Variants in SSPN observed in about 807,000 individuals in gnomAD.
SSPN encodes sarcospan.
Under a neutral mutation model 19.1 loss-of-function variants are expected in SSPN, and 15 were observed. The ratio of observed to expected loss-of-function variants is 0.78; its 90% CI spans 0.52 to 1.21. The LOEUF (loss-of-function observed/expected upper bound fraction) is 1.21. SSPN is among the 50% of genes most tolerant of loss of function. The pLI, the probability that SSPN is intolerant of heterozygous loss-of-function variation, is 0.00. For missense variants in SSPN, 291 were observed against 314.0 expected (o/e 0.93, Z 0.55); for synonymous variants, 147 against 140.3 (o/e 1.05, Z -0.34).
chr12:26,228,549 T>G (rs1945200145), intron 2 of SSPN, among the ~76,000 whole-genome samples: 1 of 152,000 alleles, frequency 6.6e-6, no homozygotes, highest in Non-Finnish European at 1.5e-5. Context: ...AATGATCACT[T>G]TAACCTGGGC....
At chr12:26,217,497 G>T (rs1261892161) in intron 1 of SSPN, among the ~76,000 whole-genome samples, 1 of 68,224 alleles carries the variant, frequency 1.5e-5, no homozygotes, top group African/African-American at 6.4e-5. Context: ...GGGTTTTCTA[G>T]ATATACAATC....
chr12:26,158,215 T>G (rs1944567233), intron 1 of SSPN, among the ~76,000 whole-genome samples: 1 of 152,088 alleles, frequency 6.6e-6, no homozygotes, highest in African/African-American at 2.4e-5. Flanking sequence ...TTTTTTCTGT[T>G]TTTCCTTTTT....
At position 26,122,488 on chromosome 12, in the gene SSPN, C is replaced by G. The variant is rs927252548; in HGVS notation, c.-31+336C>G. The G allele has an allele frequency of 7.5e-7, 1 of 1,324,838 alleles. No individual in the cohort carries two copies. Among genetic ancestry groups the G allele is most frequent in the Admixed American group, 2.9e-5 (1 of 35,018 alleles). The allele number at this position is 1,324,838 out of a possible 1,614,324, so 82.1% of individuals were successfully genotyped here. Reference sequence around the variant, plus strand: ...AAGGGCAGGCAGAAGGGGGCCGCGGCGGCCGCGGGCTGCGGGAAGGGCGCG... The same window carrying G: ...AAGGGCAGGCAGAAGGGGGCCGCGGGGGCCGCGGGCTGCGGGAAGGGCGCG... On this transcript the variant is annotated intron_variant, in intron 1 of 2. Coordinates refer to the SSPN transcript ENST00000538142.
intron 1 of SSPN, among the ~76,000 whole-genome samples, chr12:26,210,035 T>C (rs1944968649): frequency 6.6e-6 from 1 of 152,054 alleles, no homozygotes; most frequent in Non-Finnish European, 1.5e-5. Flanking sequence ...CTTTGTTTCC[T>C]TAACTTACTT....
intron 2 of SSPN, 121 bp downstream of exon 2, chr12:26,224,500 AGGCC>A: frequency 2.4e-6 from 2 of 821,088 alleles, no homozygotes; most frequent in Admixed American, 2.0e-5. Context: ...ATTTTTAGGC[AGGCC>A]AAAAAATGTT....
At chr12:26,219,450 T>C (rs987559678) in intron 1 of SSPN, among the ~76,000 whole-genome samples, 2 of 149,154 alleles carry the variant, frequency 1.3e-5, no homozygotes, top group African/African-American at 5.0e-5. Flanking sequence ...ACAAAGACAA[T>C]GTGTGACAAG....
intron 1 of SSPN, among the ~76,000 whole-genome samples, chr12:26,204,287 G>GTCCTCC (rs1944911886): frequency 6.6e-6 from 1 of 152,130 alleles, no homozygotes; most frequent in Non-Finnish European, 1.5e-5. Flanking sequence ...GAGACATATG[G>GTCCTCC]AGGAAGCTGT....
At chr12:26,215,617 C>G (rs1453467286) in intron 1 of SSPN, among the ~76,000 whole-genome samples, 2 of 152,208 alleles carry the variant, frequency 1.3e-5, no homozygotes, top group Non-Finnish European at 2.9e-5. Flanking sequence ...TAGCCTTTCT[C>G]TAACTGGTTG....
chr12:26,158,073 A>G (rs1944566351), intron 1 of SSPN, among the ~76,000 whole-genome samples: 1 of 152,194 alleles, frequency 6.6e-6, no homozygotes, highest in Non-Finnish European at 1.5e-5. Flanking sequence ...TTTAGGAGGC[A>G]GAAAATATGT....
chr12:26,195,758 C>G lies in SSPN; in HGVS notation c.86C>G (p.Pro29Arg). Residue 29 changes from proline (P) to arginine (R), a missense_variant, in exon 1 of 3, where the codon CCG becomes CGG. This residue lies in a region of SSPN where 139 missense variants were observed against 119.6 expected (regional missense o/e 1.16). Coordinates refer to ENST00000242729, the MANE Select transcript of SSPN (RefSeq NM_005086.5). Reference sequence around the variant, plus strand: ...GCCGCTGGGCCCGACGACATGGAGCCGAAGAAGGGCACGGGGGCCCCCAAG... The same window carrying G: ...GCCGCTGGGCCCGACGACATGGAGCGGAAGAAGGGCACGGGGGCCCCCAAG... ...ADAAGPDDMEPKKGTGAPKEC... is the reference protein window; with the variant it reads ...ADAAGPDDMERKKGTGAPKEC... 6.7e-7 allele frequency: 1 copy of G among 1,493,448 alleles called. No homozygotes were observed. The highest frequency in any genetic ancestry group is 8.9e-7 in the Non-Finnish European group (1 of 1,125,666). The allele number at this position is 1,493,448 out of a possible 1,614,324, so 92.5% of individuals were successfully genotyped here.
chr12:26,173,453 T>C (rs920427006), intron 1 of SSPN, among the ~76,000 whole-genome samples: 1 of 152,184 alleles, frequency 6.6e-6, no homozygotes, highest in African/African-American at 2.4e-5. Context: ...GCCTTTCTTT[T>C]TGGGGATATC....
intron 1 of SSPN, among the ~76,000 whole-genome samples, chr12:26,213,850 C>G (rs994381978): frequency 1.3e-5 from 2 of 152,092 alleles, no homozygotes; most frequent in African/African-American, 4.8e-5. Flanking sequence ...GGTTATCTAT[C>G]TACTTATTTG....
intron 1 of SSPN, among the ~76,000 whole-genome samples, chr12:26,175,522 A>T (rs1277976956): frequency 6.6e-6 from 1 of 152,010 alleles, no homozygotes; most frequent in East Asian, 1.9e-4. Context: ...AGCTAATTTT[A>T]TTTTTTTGTG....
At chr12:26,219,498 A>G (rs768302394) in intron 1 of SSPN, among the ~76,000 whole-genome samples, 6 of 152,140 alleles carry the variant, frequency 3.9e-5, no homozygotes, top group Non-Finnish European at 8.8e-5. Flanking sequence ...TGGATTTAAC[A>G]TTCAGAGACC....
intron 1 of SSPN, among the ~76,000 whole-genome samples, chr12:26,209,064 C>T (rs1267020691): frequency 6.7e-6 from 1 of 150,356 alleles, no homozygotes; most frequent in Non-Finnish European, 1.5e-5. Context: ...GCCATTTTCT[C>T]TTGCATATAC....
intron 1 of SSPN, among the ~76,000 whole-genome samples, chr12:26,160,109 G>A (rs959211403): frequency 6.6e-5 from 10 of 152,322 alleles, no homozygotes; most frequent in Non-Finnish European, 1.3e-4. Context: ...TGGAGAAGGG[G>A]TGAGAAGCTG....
At chr12:26,225,446 A>G (rs1945167105) in intron 2 of SSPN, among the ~76,000 whole-genome samples, 1 of 152,178 alleles carries the variant, frequency 6.6e-6, no homozygotes, top group African/African-American at 2.4e-5. Context: ...AGAAAAAATA[A>G]AAGCTCTTAA....
In SSPN at chr12:26,179,919, C is replaced by CTTTTTTTTTTT. The variant is rs10591596; in HGVS notation, c.-30-44360_-30-44350dup. 2.3e-4 allele frequency: 16 copies of CTTTTTTTTTTT among 68,258 alleles called. 1 individual carries two copies. The highest frequency in any genetic ancestry group is 3.4e-4 in the Non-Finnish European group (13 of 38,728). The allele number at this position is 68,258 out of a possible 1,614,324, so 4.2% of individuals were successfully genotyped here. On this transcript the variant is annotated intron_variant, in intron 1 of 2. Coordinates refer to the SSPN transcript ENST00000538142. ...ATGATTGGCTTTTTATTTAGCTAGGCTTTTTTTTTTTTTTTTTTTTTTTTG... is the reference window on the plus strand; with the variant it reads ...ATGATTGGCTTTTTATTTAGCTAGGCTTTTTTTTTTTTTTTTTTTTTTTTTTTTTTTTTTTG...
At chr12:26,142,353 A>G (rs1432478036) in intron 1 of SSPN, among the ~76,000 whole-genome samples, 1 of 152,208 alleles carries the variant, frequency 6.6e-6, no homozygotes, top group Non-Finnish European at 1.5e-5. Context: ...GTAGGACAGT[A>G]ACAGTGAAAA....
Sources: gnomAD v4.1 joint callset for allele counts (sites outside exome capture counted in the v4.1 genomes callset) on GRCh38, gnomAD v4.1.1 for gene constraint, gnomAD v4.1.1 regional missense constraint, MANE v1.5 for transcripts, NCBI Gene and HGNC (gene_info 2026-07-23, HGNC 2026-07-21) for gene names.